The following ADAMTSL1 variants were observed in gnomAD, a reference collection of about 807,000 sequenced individuals.
The protein encoded by ADAMTSL1 is ADAMTS-like protein 1.
A neutral mutation model predicts 201.8 loss-of-function variants in ADAMTSL1; 126 were observed. That is an observed-to-expected ratio of 0.62 (90% CI 0.54 to 0.72). ADAMTSL1 has a LOEUF of 0.72. Among genes scored for constraint, ADAMTSL1 ranks in the 30% least tolerant of loss-of-function variants. ADAMTSL1 has a pLI of 0.00. For synonymous variants in ADAMTSL1, 1,121 were observed against 903.4 expected (o/e 1.24, Z -4.32); for missense variants, 2,679 against 2,277.8 (o/e 1.18, Z -3.59).
chr9:18,068,325 T>G (rs1040721371), intron 1 of ADAMTSL1, among the ~76,000 whole-genome samples: 9 of 152,018 alleles, frequency 5.9e-5, no homozygotes, highest in African/African-American at 2.2e-4. Flanking sequence ...AATACAACAA[T>G]AAAAATAATA....
intron 2 of ADAMTSL1, among the ~76,000 whole-genome samples, chr9:18,373,689 G>T (rs1837157483): frequency 6.6e-6 from 1 of 152,120 alleles, no homozygotes; most frequent in Non-Finnish European, 1.5e-5. Flanking sequence ...CCACACCAAA[G>T]AGTTTACTCA....
At chr9:18,189,423 T>A (rs560443274) in intron 2 of ADAMTSL1, among the ~76,000 whole-genome samples, 1 of 152,290 alleles carries the variant, frequency 6.6e-6, no homozygotes, top group Admixed American at 6.5e-5. Flanking sequence ...ATGTGGTGTC[T>A]GTATAAGATT....
rs1019131923 is a variant in ADAMTSL1, at chr9:18,258,653, G to A, written c.207+94672G>A. On this transcript the variant is annotated intron_variant, in intron 2 of 29. Coordinates refer to the ADAMTSL1 transcript ENST00000680146. ...GGACCCTCATGGCACCAGGATCCCC[G>A]CCCGCATCATCGATCTTTCCCTGGC... 2.6e-5 allele frequency among the ~76,000 whole-genome samples: 4 copies of A among 152,208 alleles called. No individual in the cohort carries two copies. In the South Asian group the frequency reaches 6.2e-4, roughly 24 times the overall value.
intron 1 of ADAMTSL1, among the ~76,000 whole-genome samples, chr9:18,121,906 G>A (rs113972807): frequency 1.3e-5 from 2 of 152,020 alleles, no homozygotes; most frequent in Non-Finnish European, 2.9e-5. Context: ...AAGATCCCTT[G>A]TACCAATTTC....
At chr9:18,269,379 T>C (rs149716110) in intron 2 of ADAMTSL1, among the ~76,000 whole-genome samples, 1 of 152,296 alleles carries the variant, frequency 6.6e-6, no homozygotes, top group Non-Finnish European at 1.5e-5. Context: ...CCCATCTGCA[T>C]GGATTTCTTG....
chr9:17,914,722 A>T (rs1402551872), intron 1 of ADAMTSL1, among the ~76,000 whole-genome samples: 1 of 152,010 alleles, frequency 6.6e-6, no homozygotes, highest in Admixed American at 6.5e-5. Flanking sequence ...GGAAAAGAGG[A>T]AGTCAAATTG....
At chr9:18,894,127 TTGGATTTTATTGTAAGTGCAACTACAAAG>T (rs1171970926) in intron 26 of ADAMTSL1, among the ~76,000 whole-genome samples, 1 of 152,104 alleles carries the variant, frequency 6.6e-6, no homozygotes, top group Non-Finnish European at 1.5e-5. Context: ...TACAAAGAAT[TTGGATTTTATTGTAAGTGCAACTACAAAG>T]ATTTTTAAGA....
At chr9:18,067,240 T>C (rs1265793259) in intron 1 of ADAMTSL1, among the ~76,000 whole-genome samples, 1 of 152,232 alleles carries the variant, frequency 6.6e-6, no homozygotes, top group Non-Finnish European at 1.5e-5. Context: ...ATTTAATCTT[T>C]TTGTGCTAAC....
At chr9:18,814,328 T>C (rs991294564) in intron 20 of ADAMTSL1, among the ~76,000 whole-genome samples, 2 of 152,218 alleles carry the variant, frequency 1.3e-5, no homozygotes, top group South Asian at 2.1e-4. Flanking sequence ...TCTTCAGGGA[T>C]CTTAGCCTGT....
At chr9:17,922,983 T>C (rs1826369397) in intron 1 of ADAMTSL1, among the ~76,000 whole-genome samples, 1 of 152,154 alleles carries the variant, frequency 6.6e-6, no homozygotes, top group African/African-American at 2.4e-5. Flanking sequence ...TGTGTGTTTT[T>C]TCTTCAAGTC....
At chr9:18,755,048 T>A (rs867340724) in intron 16 of ADAMTSL1, among the ~76,000 whole-genome samples, 2 of 152,348 alleles carry the variant, frequency 1.3e-5, no homozygotes, top group Middle Eastern at 6.8e-3. Flanking sequence ...CTCCGTCTTA[T>A]GTGACCCTTT....
At chr9:18,250,771 G>T (rs1199189642) in intron 2 of ADAMTSL1, among the ~76,000 whole-genome samples, 13 of 152,000 alleles carry the variant, frequency 8.6e-5, no homozygotes, top group African/African-American at 3.1e-4. Context: ...TCCACACCCC[G>T]CTCCATGTTC....
At chr9:17,996,668 C>A (rs942128646) in intron 1 of ADAMTSL1, among the ~76,000 whole-genome samples, 1 of 151,928 alleles carries the variant, frequency 6.6e-6, no homozygotes, top group Admixed American at 6.6e-5. Flanking sequence ...CTTTTTGAAC[C>A]AGTTTTCTAT....
chr9:18,136,266 A>T (rs1233293706), intron 1 of ADAMTSL1, among the ~76,000 whole-genome samples: 2 of 152,196 alleles, frequency 1.3e-5, no homozygotes, highest in Non-Finnish European at 2.9e-5. Context: ...AGAGGTGTGC[A>T]TTGGGATTCA....
At chr9:18,099,913 G>A (rs565482172) in intron 1 of ADAMTSL1, among the ~76,000 whole-genome samples, 6 of 152,010 alleles carry the variant, frequency 3.9e-5, no homozygotes, top group African/African-American at 1.4e-4. Context: ...GGTGTGAGCC[G>A]CTGCGCCCGG....
chr9:18,636,142 T>C (rs986366307), intron 6 of ADAMTSL1, 125 bp downstream of exon 6: 6 of 789,690 alleles, frequency 7.6e-6, no homozygotes, highest in South Asian at 2.2e-5. Context: ...ATATGATATT[T>C]TGAGTACCTC....
chr9:18,694,671 A>C (rs1207747564), intron 13 of ADAMTSL1, among the ~76,000 whole-genome samples: 3 of 152,058 alleles, frequency 2.0e-5, no homozygotes, highest in Non-Finnish European at 4.4e-5. Flanking sequence ...CTCCACCCCT[A>C]TGAAGTTGAG....
intron 1 of ADAMTSL1, among the ~76,000 whole-genome samples, chr9:17,943,563 C>T (rs1355404998): frequency 2.6e-5 from 4 of 152,070 alleles, no homozygotes; most frequent in East Asian, 1.9e-4. Context: ...TGTTTTGTCT[C>T]TTTTCTACAT....
intron 23 of ADAMTSL1, among the ~76,000 whole-genome samples, chr9:18,861,388 C>G (rs578055868): frequency 6.6e-6 from 1 of 152,274 alleles, no homozygotes; most frequent in Admixed American, 6.5e-5. Flanking sequence ...TTTAGGGCTC[C>G]TAAGTCCATG....
Sources: gnomAD v4.1 joint callset for allele counts (sites outside exome capture counted in the v4.1 genomes callset) on GRCh38, gnomAD v4.1.1 for gene constraint, MANE v1.5 for transcripts, NCBI Gene and HGNC (gene_info 2026-07-23, HGNC 2026-07-21) for gene names.